Variants in ANKFN1 observed in about 807,000 individuals in gnomAD.
The protein encoded by ANKFN1 is ankyrin repeat and fibronectin type-III domain-containing protein 1.
Under a neutral mutation model 108.7 loss-of-function variants are expected in ANKFN1, and 74 were observed. That is an observed-to-expected ratio of 0.68 (90% CI 0.56 to 0.83). ANKFN1 has a LOEUF of 0.83. ANKFN1 is among the 40% of genes least tolerant of loss of function. ANKFN1 has a pLI of 0.00. For missense variants in ANKFN1, 1,505 were observed against 1,382.3 expected (o/e 1.09, Z -1.41); for synonymous variants, 547 against 516.2 (o/e 1.06, Z -0.81).
At chr17:56,441,475 G>A (rs1395090140) in intron 9 of ANKFN1, among the ~76,000 whole-genome samples, 1 of 152,032 alleles carries the variant, frequency 6.6e-6, no homozygotes, top group East Asian at 1.9e-4. Context: ...ATCTATACCA[G>A]GGGCCAGAAC....
chr17:56,294,117 A>G (rs2044443306), intron 3 of ANKFN1, among the ~76,000 whole-genome samples: 1 of 152,224 alleles, frequency 6.6e-6, no homozygotes, highest in African/African-American at 2.4e-5. Flanking sequence ...CTCAGGGAGC[A>G]AAAATTTGTT....
chr17:56,231,785 T>C (rs986050199), intron 3 of ANKFN1, among the ~76,000 whole-genome samples: 18 of 152,174 alleles, frequency 1.2e-4, no homozygotes, highest in African/African-American at 4.1e-4. Flanking sequence ...CGGGAAAATA[T>C]GATTTTACTG....
rs531986893 is a variant in ANKFN1, at chr17:56,059,462, T to C, written c.288+13137T>C. Among the ~76,000 whole-genome samples, 30 of 152,334 alleles carry C rather than the reference T, an allele frequency of 2.0e-4. No homozygotes were observed. In the South Asian group the frequency reaches 3.7e-3, roughly 19 times the overall value. On this transcript the variant is annotated intron_variant, in intron 4 of 12. Coordinates refer to the ANKFN1 transcript ENST00000635860. ...TAGATCCCATTTGTCAATTTTGGCT[T>C]TTGTTGCAATTGCTTTTGATGTTTT...
At chr17:56,450,876 CAAA>C (rs943789449) in intron 11 of ANKFN1, among the ~76,000 whole-genome samples, 3 of 152,072 alleles carry the variant, frequency 2.0e-5, no homozygotes, top group African/African-American at 7.2e-5. Context: ...ATCTAATAAT[CAAA>C]AAATGATTGC....
intron 3 of ANKFN1, among the ~76,000 whole-genome samples, chr17:56,299,923 C>T (rs1232844177): frequency 6.6e-6 from 1 of 152,212 alleles, no homozygotes; most frequent in East Asian, 1.9e-4. Context: ...CCTCTGAATT[C>T]TCAATGCTCA....
chr17:56,115,188 T>A (rs1227470750), intron 4 of ANKFN1, among the ~76,000 whole-genome samples: 2 of 152,242 alleles, frequency 1.3e-5, no homozygotes, highest in Admixed American at 1.3e-4. Flanking sequence ...CAGCAGTTAC[T>A]CTTCTTGTTA....
intron 4 of ANKFN1, among the ~76,000 whole-genome samples, chr17:56,098,346 A>G (rs1324992318): frequency 6.6e-6 from 1 of 152,160 alleles, no homozygotes; most frequent in East Asian, 1.9e-4. Context: ...ACATTTGTTC[A>G]TATTTCATCT....
At chr17:56,324,644 C>T (rs532343187) in intron 3 of ANKFN1, among the ~76,000 whole-genome samples, 20 of 152,262 alleles carry the variant, frequency 1.3e-4, no homozygotes, top group African/African-American at 4.1e-4. Context: ...CAAGAGAAGC[C>T]GGACTCTTTC....
At chr17:56,245,849 G>A (rs1465978749) in intron 3 of ANKFN1, 3 of 152,048 alleles carry the variant, frequency 2.0e-5, no homozygotes, top group Non-Finnish European at 4.4e-5. Flanking sequence ...ATAGCACTAA[G>A]TCATGTTTTA....
At chr17:56,325,262 C>CTG (rs57226368) in intron 3 of ANKFN1, among the ~76,000 whole-genome samples, 6,139 of 149,542 alleles carry the variant, frequency 0.041, 257 homozygotes, top group African/African-American at 0.11. Flanking sequence ...GCTAGTGTCG[C>CTG]TGTGTGTGTG....
At chr17:56,255,863 G>A (rs962097667) in intron 3 of ANKFN1, among the ~76,000 whole-genome samples, 1 of 152,128 alleles carries the variant, frequency 6.6e-6, no homozygotes, top group Non-Finnish European at 1.5e-5. Flanking sequence ...AATTACCATG[G>A]AGAAAACTCA....
chr17:56,445,604 G>A (rs1020586651), intron 10 of ANKFN1, among the ~76,000 whole-genome samples: 1 of 152,122 alleles, frequency 6.6e-6, no homozygotes, highest in Non-Finnish European at 1.5e-5. Context: ...TATAAACAGA[G>A]TATGACATTG....
At chr17:56,430,077 T>C (rs765924373) in intron 8 of ANKFN1, among the ~76,000 whole-genome samples, 16 of 152,088 alleles carry the variant, frequency 1.1e-4, no homozygotes, top group Non-Finnish European at 2.1e-4. Flanking sequence ...ATTTTGATGT[T>C]GGAAAATATT....
chr17:56,207,941 A>G (rs1410380522), intron 1 of ANKFN1, among the ~76,000 whole-genome samples: 1 of 152,172 alleles, frequency 6.6e-6, no homozygotes. Context: ...TGTACCCATC[A>G]GCGCAAAATC....
At chr17:56,127,768 T>G (rs760138511) in intron 4 of ANKFN1, among the ~76,000 whole-genome samples, 6 of 152,194 alleles carry the variant, frequency 3.9e-5, no homozygotes, top group Non-Finnish European at 8.8e-5. Context: ...ACAATTCCAT[T>G]TCTATTCAAA....
intron 4 of ANKFN1, among the ~76,000 whole-genome samples, chr17:56,093,624 T>C (rs992604485): frequency 6.6e-6 from 1 of 151,420 alleles, no homozygotes; most frequent in African/African-American, 2.4e-5. Flanking sequence ...GTGCTACAAC[T>C]TGCCTTCTGA....
chr17:56,285,453 C>A (rs2044189999), intron 3 of ANKFN1, among the ~76,000 whole-genome samples: 3 of 152,138 alleles, frequency 2.0e-5, no homozygotes, highest in African/African-American at 7.2e-5. Flanking sequence ...TCCTTTATGC[C>A]TTTTTCCTCC....
At position 56,088,873 on chromosome 17, in the gene ANKFN1, T is replaced by C. The variant is rs190798404; in HGVS notation, c.288+42548T>C. ...ATAGCTTCTTTAGCATCTCTTGTTATTGGCCCAGAGGGAAAAAGGAGGCAC... is the reference window on the plus strand; with the variant it reads ...ATAGCTTCTTTAGCATCTCTTGTTACTGGCCCAGAGGGAAAAAGGAGGCAC... On this transcript the variant is annotated intron_variant, in intron 4 of 12. Transcript: ENST00000635860. Among the ~76,000 whole-genome samples the C allele has an allele frequency of 2.6e-5, 4 of 151,524 alleles. No homozygotes were observed. In the East Asian group the frequency reaches 7.7e-4, roughly 29 times the overall value.
chr17:56,295,541 A>C (rs150355729), intron 3 of ANKFN1, among the ~76,000 whole-genome samples: 2 of 152,294 alleles, frequency 1.3e-5, no homozygotes, highest in African/African-American at 4.8e-5. Context: ...ACACTGATAC[A>C]TGAAAACCAC....
Sources: gnomAD v4.1 joint callset for allele counts (sites outside exome capture counted in the v4.1 genomes callset) on GRCh38, gnomAD v4.1.1 for gene constraint, MANE v1.5 for transcripts, NCBI Gene and HGNC (gene_info 2026-07-23, HGNC 2026-07-21) for gene names.